CD2AP: variants seen among roughly 807,000 people sequenced by gnomAD.
The protein encoded by CD2AP is CD2-associated protein.
In CD2AP, 46 loss-of-function variants were observed where a neutral mutation model predicts 85.1. The observed-to-expected ratio is 0.54, with a 90% CI of 0.43 to 0.69. The LOEUF is 0.69. Ranked by LOEUF, CD2AP falls within the 30% of genes least tolerant of loss-of-function variation. The pLI is 0.00. For synonymous variants in CD2AP, 255 were observed against 252.9 expected (o/e 1.01, Z -0.08); for missense variants, 769 against 729.5 (o/e 1.05, Z -0.62).
intron 2 of CD2AP, among the ~76,000 whole-genome samples, chr6:47,518,384 C>T (rs967785784): frequency 6.6e-5 from 10 of 152,196 alleles, no homozygotes; most frequent in African/African-American, 2.2e-4. Context: ...TTGTGCCTTG[C>T]AGGCTAGTGG....
Position 47,503,405 on chromosome 6 carries a change from G to T in CD2AP, c.130G>T (p.Gly44Trp). Residue 44 changes from glycine to tryptophan, a missense_variant, in exon 2 of 18, where the codon GGG becomes TGG. Transcript: ENST00000359314. ...EEGWLEGELNGRRGMFPDNFV... is the reference protein window; with the variant it reads ...EEGWLEGELNWRRGMFPDNFV... ...AGGGTGGCTGGAAGGAGAACTAAAT[G>T]GGAGAAGAGGAATGTTCCCTGACAA... The T allele has an allele frequency of 6.2e-7, 1 of 1,613,854 alleles. No individual in the cohort carries two copies. The highest frequency in any genetic ancestry group is 8.5e-7 in the Non-Finnish European group (1 of 1,179,844).
rs570393779 is a variant in CD2AP, at chr6:47,502,727, C to T, written c.5-553C>T. Among the ~76,000 whole-genome samples, 7 of 152,148 alleles carry T rather than the reference C, an allele frequency of 4.6e-5. 1 individual carries two copies. The South Asian group carries it at 1.5e-3, about 32-fold the overall frequency. On this transcript the variant is annotated intron_variant, in intron 1 of 17. Transcript: ENST00000359314. ...CGGGGTGGTCTCCATCTCTTGACCT[C>T]GTGATCTGCCTGCCTTGGCCTCCCA... is the stretch of plus-strand genomic sequence containing the variant.
At chr6:47,552,990 ATTT>A (rs35305333) in intron 4 of CD2AP, among the ~76,000 whole-genome samples, 1 of 148,242 alleles carries the variant, frequency 6.7e-6, no homozygotes, top group African/African-American at 2.5e-5. Flanking sequence ...GGGGGGGAGC[ATTT>A]TTTTTTTATT....
chr6:47,485,626 A>G (rs1448498213), intron 1 of CD2AP, among the ~76,000 whole-genome samples: 2 of 152,206 alleles, frequency 1.3e-5, no homozygotes. Flanking sequence ...TAAAATCTAT[A>G]GTAGTGTATA....
Position 47,556,715 on chromosome 6 carries a change from A to G in CD2AP, c.541+1949A>G, listed in dbSNP as rs111329337. On this transcript the variant is annotated intron_variant, in intron 5 of 17. Transcript: ENST00000359314. ...ATATGTGCCACATTTTCTTTATCCAATCTAACATCGATTGGCATTTGGGTG... is the reference window on the plus strand; with the variant it reads ...ATATGTGCCACATTTTCTTTATCCAGTCTAACATCGATTGGCATTTGGGTG... 2.8e-4 allele frequency among the ~76,000 whole-genome samples: 42 copies of G among 152,126 alleles called. 1 individual carries two copies. Among genetic ancestry groups the G allele is most frequent in the South Asian group, 1.0e-3 (5 of 4,816 alleles).
At chr6:47,591,247 G>A (rs1768784570) in intron 11 of CD2AP, among the ~76,000 whole-genome samples, 1 of 152,146 alleles carries the variant, frequency 6.6e-6, no homozygotes, top group Admixed American at 6.6e-5. Context: ...GAAGCAGGTG[G>A]GGTAGTGATT....
At chr6:47,513,712 T>C (rs1766376911) in intron 2 of CD2AP, among the ~76,000 whole-genome samples, 1 of 152,032 alleles carries the variant, frequency 6.6e-6, no homozygotes, top group Non-Finnish European at 1.5e-5. Context: ...TATTAAGAAA[T>C]TTTTAGCTAT....
intron 2 of CD2AP, among the ~76,000 whole-genome samples, chr6:47,510,328 A>C (rs534232474): frequency 6.6e-6 from 1 of 152,346 alleles, no homozygotes; most frequent in South Asian, 2.1e-4. Context: ...ATACCTCAGT[A>C]GCCGTGAGTA....
chr6:47,609,809 G>A lies in CD2AP; in HGVS notation c.1814+505G>A, dbSNP rs1769380878. 2.6e-5 allele frequency among the ~76,000 whole-genome samples: 4 copies of A among 152,282 alleles called. No individual in the cohort carries two copies. In the South Asian group the frequency reaches 8.3e-4, roughly 32 times the overall value. On this transcript the variant is annotated intron_variant, in intron 16 of 17. Transcript: ENST00000359314. ...ATTGGTGAAGTTATTCTAGTAGCTG[G>A]ATTGTGGAAAACGTGCATACATAAC...
chr6:47,604,336 G>A (rs898660576), intron 13 of CD2AP, among the ~76,000 whole-genome samples: 9 of 152,062 alleles, frequency 5.9e-5, no homozygotes, highest in Non-Finnish European at 1.2e-4. Context: ...ACCTGAGAGA[G>A]TTTTAGAATA....
At chr6:47,528,488 T>C (rs1230957631) in intron 2 of CD2AP, among the ~76,000 whole-genome samples, 1 of 152,240 alleles carries the variant, frequency 6.6e-6, no homozygotes, top group Non-Finnish European at 1.5e-5. Context: ...TCATTTATTA[T>C]ATATGGAACT....
At chr6:47,587,521 A>C (rs577285557) in intron 11 of CD2AP, among the ~76,000 whole-genome samples, 1 of 152,294 alleles carries the variant, frequency 6.6e-6, no homozygotes, top group African/African-American at 2.4e-5. Context: ...TCATTTTCCC[A>C]GAAGTACCTA....
intron 3 of CD2AP, among the ~76,000 whole-genome samples, chr6:47,536,362 C>A (rs1026839727): frequency 3.3e-5 from 5 of 151,598 alleles, no homozygotes; most frequent in Non-Finnish European, 5.9e-5. Context: ...TTTAAAAAAA[C>A]CCAAAACCAT....
At chr6:47,512,140 A>G (rs1766333830) in intron 2 of CD2AP, among the ~76,000 whole-genome samples, 1 of 152,064 alleles carries the variant, frequency 6.6e-6, no homozygotes, top group Non-Finnish European at 1.5e-5. Context: ...CCTGGGCAAC[A>G]GAGCGAGACT....
chr6:47,519,402 C>T (rs1243270912), intron 2 of CD2AP, among the ~76,000 whole-genome samples: 1 of 152,182 alleles, frequency 6.6e-6, no homozygotes, highest in Non-Finnish European at 1.5e-5. Context: ...AGAGCTACTT[C>T]AGGAAGAAGA....
chr6:47,504,999 C>CT (rs1766093303), intron 2 of CD2AP, among the ~76,000 whole-genome samples: 1 of 130,566 alleles, frequency 7.7e-6, no homozygotes, highest in East Asian at 2.5e-4. Flanking sequence ...GCTGGGGTGG[C>CT]TGTGGCAGTT....
At chr6:47,539,879 T>C (rs950568574) in intron 3 of CD2AP, among the ~76,000 whole-genome samples, 17 of 152,054 alleles carry the variant, frequency 1.1e-4, no homozygotes, top group African/African-American at 2.2e-4. Context: ...AGGTTACTTA[T>C]GATAAGAAAA....
In CD2AP at chr6:47,554,631, T is replaced by G. The variant is rs750948195; in HGVS notation, c.421-15T>G. The G allele has an allele frequency of 6.2e-7, 1 of 1,613,566 alleles. No individual in the cohort carries two copies. On this transcript the variant is annotated splice_polypyrimidine_tract_variant and intron_variant, in intron 4 of 17. Transcript: ENST00000359314. ...ACAGAAGTTGTTTTTGCTTTTGAATTGTGAACTTTTTCAGGTAGAAGAAGG... is the reference window on the plus strand; with the variant it reads ...ACAGAAGTTGTTTTTGCTTTTGAATGGTGAACTTTTTCAGGTAGAAGAAGG...
chr6:47,610,150 C>T (rs1003845131), intron 16 of CD2AP, among the ~76,000 whole-genome samples: 3 of 152,098 alleles, frequency 2.0e-5, no homozygotes, highest in African/African-American at 4.8e-5. Context: ...GGTGAGCTCC[C>T]CCTCTGGCTT....
Sources: gnomAD v4.1 joint callset for allele counts (sites outside exome capture counted in the v4.1 genomes callset) on GRCh38, gnomAD v4.1.1 for gene constraint, MANE v1.5 for transcripts, NCBI Gene and HGNC (gene_info 2026-07-23, HGNC 2026-07-21) for gene names.